Variants in PLPPR5 observed in about 807,000 individuals in gnomAD.
PLPPR5 encodes the protein phospholipid phosphatase-related protein type 5.
In PLPPR5, 16 loss-of-function variants were observed where a neutral mutation model predicts 33.9. That is an observed-to-expected ratio of 0.47 (90% CI 0.32 to 0.72). The LOEUF is 0.72. Among genes scored for constraint, PLPPR5 ranks in the 30% least tolerant of loss-of-function variants. The pLI is 0.03. For synonymous variants in PLPPR5, 163 were observed against 150.3 expected (o/e 1.08, Z -0.62); for missense variants, 301 against 406.7 (o/e 0.74, Z 2.23).
intron 3 of PLPPR5, among the ~76,000 whole-genome samples, chr1:98,937,083 CA>C (rs2101185754): frequency 6.6e-6 from 1 of 152,262 alleles, no homozygotes; most frequent in Admixed American, 6.5e-5. Context: ...GCCACATTAC[CA>C]AGGCCTGCAG....
chr1:98,917,851 T>G (rs1649414496), intron 4 of PLPPR5, among the ~76,000 whole-genome samples: 1 of 152,328 alleles, frequency 6.6e-6, no homozygotes, highest in Admixed American at 6.5e-5. Flanking sequence ...AGATGCTCTT[T>G]TTTGCTCACT....
intron 5 of PLPPR5, among the ~76,000 whole-genome samples, chr1:98,906,803 A>T (rs1557664144): frequency 6.6e-6 from 1 of 152,210 alleles, no homozygotes; most frequent in African/African-American, 2.4e-5. Flanking sequence ...CATCTTAAAG[A>T]TTCAGGTATT....
chr1:98,999,103 G>A (rs757981423), intron 1 of PLPPR5, among the ~76,000 whole-genome samples: 2 of 152,164 alleles, frequency 1.3e-5, no homozygotes, highest in Non-Finnish European at 1.5e-5. Flanking sequence ...AGGGTCAGTA[G>A]ACTAAACTAG....
At chr1:98,915,588 T>C (rs1649314708) in intron 4 of PLPPR5, among the ~76,000 whole-genome samples, 1 of 151,368 alleles carries the variant, frequency 6.6e-6, no homozygotes. Context: ...AAAATAAAAA[T>C]AAAAAGCCTG....
intron 3 of PLPPR5, among the ~76,000 whole-genome samples, chr1:98,948,544 A>T (rs1305734772): frequency 1.3e-5 from 2 of 152,124 alleles, no homozygotes; most frequent in Non-Finnish European, 2.9e-5. Flanking sequence ...TACCCCCAAC[A>T]ATCTGGGCTG....
chr1:98,907,304 C>T (rs909991460), intron 5 of PLPPR5, among the ~76,000 whole-genome samples: 3 of 150,148 alleles, frequency 2.0e-5, no homozygotes, highest in South Asian at 2.1e-4. Flanking sequence ...CAGGTTCAAG[C>T]GATTCTCCTG....
chr1:98,906,451 C>G (rs981568386), intron 5 of PLPPR5, among the ~76,000 whole-genome samples: 4 of 152,070 alleles, frequency 2.6e-5, no homozygotes, highest in African/African-American at 9.7e-5. Flanking sequence ...TTCCATTTTA[C>G]AGCCCAGGCT....
At chr1:98,959,689 T>C (rs1200701508) in intron 1 of PLPPR5, among the ~76,000 whole-genome samples, 1 of 152,196 alleles carries the variant, frequency 6.6e-6, no homozygotes, top group Non-Finnish European at 1.5e-5. Flanking sequence ...ATCTTGAATT[T>C]GTCAGCTCGG....
intron 1 of PLPPR5, among the ~76,000 whole-genome samples, chr1:98,967,046 A>T (rs981836913): frequency 1.3e-5 from 2 of 152,128 alleles, no homozygotes; most frequent in African/African-American, 4.8e-5. Flanking sequence ...ACTCCTTTTT[A>T]TTACATTGTA....
chr1:98,929,116 A>T (rs148434093), intron 3 of PLPPR5, among the ~76,000 whole-genome samples: 15 of 152,282 alleles, frequency 9.9e-5, no homozygotes, highest in Admixed American at 3.3e-4. Flanking sequence ...GTCTACCACC[A>T]ATTAGCTCTG....
At position 98,922,735 on chromosome 1, in the gene PLPPR5, C is replaced by T. The variant is rs561378719; in HGVS notation, c.622-677G>A. 1.2e-3 allele frequency among the ~76,000 whole-genome samples: 176 copies of T among 152,234 alleles called. 1 individual carries two copies. Among genetic ancestry groups the T allele is most frequent in the African/African-American group, 3.9e-3 (162 of 41,538 alleles). ...GCGCGGTGGCTCACTCCTGTAATCC[C>T]AGCACTTTGGGAGGCCGAGGCGGGC... On this transcript the variant is annotated intron_variant, in intron 3 of 5. Coordinates refer to ENST00000263177, the MANE Select transcript of PLPPR5 (RefSeq NM_001037317.2).
chr1:98,907,734 A>G (rs1881160), intron 5 of PLPPR5, among the ~76,000 whole-genome samples: 78,181 of 151,954 alleles, frequency 0.51, 20,983 homozygotes, highest in East Asian at 0.76. Flanking sequence ...GAGCTGGAGG[A>G]TGTAGTTTTA....
In PLPPR5 at chr1:98,953,105, C is replaced by T; in HGVS notation, c.586G>A (p.Ala196Thr). The T allele has an allele frequency of 1.9e-6, 3 of 1,614,050 alleles. No homozygotes were observed. In the Middle Eastern group the frequency reaches 4.9e-4, roughly 266 times the overall value. ...RARKTFPSKE[A>T]ALSVYAAMYL... ...ATAGCTGCATAGACACTGAGAGCTG[C>T]TTCTTTGGATGGAAAGGTTTTTCGG... Residue 196 changes from alanine (A) to threonine (T), a missense_variant, in exon 3 of 6, where the codon GCA (alanine) becomes ACA (threonine). Coordinates refer to ENST00000263177, the MANE Select transcript of PLPPR5 (RefSeq NM_001037317.2).
At chr1:98,936,620 G>A (rs1570713338) in intron 3 of PLPPR5, among the ~76,000 whole-genome samples, 1 of 152,238 alleles carries the variant, frequency 6.6e-6, no homozygotes, top group South Asian at 2.1e-4. Context: ...TACTTAGTAG[G>A]AGGACGTGTG....
intron 3 of PLPPR5, among the ~76,000 whole-genome samples, chr1:98,946,248 A>C (rs1650546183): frequency 6.6e-6 from 1 of 152,180 alleles, no homozygotes; most frequent in African/African-American, 2.4e-5. Flanking sequence ...AAGCTGCCAA[A>C]GGAGTTTATA....
chr1:98,916,204 A>G (rs983754587), intron 4 of PLPPR5, among the ~76,000 whole-genome samples: 1 of 152,192 alleles, frequency 6.6e-6, no homozygotes, highest in Non-Finnish European at 1.5e-5. Flanking sequence ...ACACCTACTG[A>G]GATTTTACGT....
At chr1:98,973,288 T>C (rs11583085) in intron 1 of PLPPR5, among the ~76,000 whole-genome samples, 13,848 of 152,044 alleles carry the variant, frequency 0.091, 730 homozygotes, top group Non-Finnish European at 0.11. Context: ...ATACAAATAA[T>C]TGCAATGCCA....
At chr1:98,953,355 T>TTG (rs58092870) in intron 2 of PLPPR5, 35 bp from the exon 3 acceptor site, 57,697 of 1,365,372 alleles carry the variant, frequency 0.042, 272 homozygotes, top group African/African-American at 0.089. Flanking sequence ...AACTTCTTGC[T>TTG]TGTGTGTGTG....
At chr1:98,991,344 C>T (rs959477729) in intron 1 of PLPPR5, 5 of 152,058 alleles carry the variant, frequency 3.3e-5, no homozygotes, top group East Asian at 3.9e-4. Flanking sequence ...TCGTTACACC[C>T]GCCCCAAGTC....
Sources: allele counts gnomAD v4.1 joint callset (sites outside exome capture counted in the v4.1 genomes callset), GRCh38; gene constraint gnomAD v4.1.1; transcripts MANE v1.5; gene names NCBI Gene and HGNC (gene_info 2026-07-23, HGNC 2026-07-21).